The following SYN3 variants were observed in gnomAD, a reference collection of about 807,000 sequenced individuals.
The protein encoded by SYN3 is synapsin-3.
A neutral mutation model predicts 65.8 loss-of-function variants in SYN3; 35 were observed. That is an observed-to-expected ratio of 0.53 (90% CI 0.41 to 0.70). SYN3 has a LOEUF of 0.70. Among genes scored for constraint, SYN3 ranks in the 30% least tolerant of loss-of-function variants. The pLI is 0.00. For missense variants in SYN3, 680 were observed against 749.0 expected (o/e 0.91, Z 1.08); for synonymous variants, 270 against 292.9 (o/e 0.92, Z 0.80).
intron 2 of SYN3, among the ~76,000 whole-genome samples, chr22:32,987,875 C>T (rs1475016026): frequency 1.3e-5 from 2 of 152,084 alleles, no homozygotes; most frequent in Non-Finnish European, 2.9e-5. Context: ...AGCTTACATG[C>T]TTATTGAAAA....
At chr22:32,537,169 T>C (rs1440797000) in intron 9 of SYN3, among the ~76,000 whole-genome samples, 2 of 150,066 alleles carry the variant, frequency 1.3e-5, no homozygotes, top group East Asian at 3.9e-4. Flanking sequence ...TTCCCCCCCT[T>C]TTTTTTTTAA....
intron 6 of SYN3, among the ~76,000 whole-genome samples, chr22:32,798,773 G>A (rs780845322): frequency 2.9e-5 from 4 of 136,198 alleles, no homozygotes; most frequent in African/African-American, 5.6e-5. Context: ...CTCACTGCAA[G>A]CTCCGCCTCC....
At chr22:32,568,962 A>G (rs2058708657) in intron 7 of SYN3, among the ~76,000 whole-genome samples, 1 of 152,176 alleles carries the variant, frequency 6.6e-6, no homozygotes, top group South Asian at 2.1e-4. Flanking sequence ...AGGCTGCACT[A>G]TGACACACAT....
chr22:33,025,478 A>T (rs1213372799), intron 1 of SYN3, among the ~76,000 whole-genome samples: 1 of 150,756 alleles, frequency 6.6e-6, no homozygotes, highest in Admixed American at 6.6e-5. Context: ...TACTAAAAAT[A>T]CAAAAATTAG....
intron 1 of SYN3, among the ~76,000 whole-genome samples, chr22:33,043,210 C>G (rs1424052489): frequency 6.6e-6 from 1 of 152,160 alleles, no homozygotes; most frequent in East Asian, 1.9e-4. Flanking sequence ...CCTTCTCATA[C>G]TCTAAAGATG....
intron 3 of SYN3, among the ~76,000 whole-genome samples, chr22:32,952,635 C>T (rs1011265842): frequency 2.0e-5 from 3 of 152,008 alleles, no homozygotes; most frequent in Admixed American, 6.6e-5. Flanking sequence ...GCATGCCTAT[C>T]GTCCTAGTTA....
At chr22:32,909,628 A>ACCCCCCCCCCCCCCCCCC (rs2049997641) in intron 4 of SYN3, among the ~76,000 whole-genome samples, 1 of 58,664 alleles carries the variant, frequency 1.7e-5, no homozygotes. Context: ...CCGCCCCCCC[A>ACCCCCCCCCCCCCCCCCC]CCCCTTACCT....
intron 7 of SYN3, among the ~76,000 whole-genome samples, chr22:32,587,352 G>A (rs550819219): frequency 5.3e-5 from 8 of 151,722 alleles, no homozygotes; most frequent in Admixed American, 4.6e-4. Context: ...AGGGCAGTGG[G>A]TGTTGGGGGG....
intron 6 of SYN3, among the ~76,000 whole-genome samples, chr22:32,700,561 C>T (rs936440819): frequency 6.6e-6 from 1 of 152,168 alleles, no homozygotes; most frequent in South Asian, 2.1e-4. Context: ...AAAAAGGAGT[C>T]CCCAACAGCT....
intron 6 of SYN3, among the ~76,000 whole-genome samples, chr22:32,644,592 G>C (rs943130857): frequency 2.6e-5 from 4 of 152,208 alleles, no homozygotes; most frequent in African/African-American, 9.6e-5. Flanking sequence ...CGCACATGCA[G>C]GCACATGCAC....
chr22:33,050,426 G>T (rs1211018806), intron 1 of SYN3, among the ~76,000 whole-genome samples: 1 of 148,572 alleles, frequency 6.7e-6, no homozygotes, highest in Non-Finnish European at 1.5e-5. Context: ...AGGTTGCAGT[G>T]AGCTGAGATC....
At chr22:32,794,727 G>C (rs950346492) in intron 6 of SYN3, among the ~76,000 whole-genome samples, 1 of 152,206 alleles carries the variant, frequency 6.6e-6, no homozygotes, top group African/African-American at 2.4e-5. Context: ...TGGGAGGTGA[G>C]TGAGAGAAGA....
rs374814967 is a variant in SYN3 at position 32,802,094 on chromosome 22, C to G, written c.711+62821G>C. On this transcript the variant is annotated intron_variant, in intron 6 of 13. Coordinates refer to ENST00000358763, the MANE Select transcript of SYN3 (RefSeq NM_003490.4). ...CGTGCACATGCTCGCCCAGCCACCC[C>G]CAGGACGCCTTCTGCAACTCCGACA... The G allele has an allele frequency of 6.3e-6, 10 of 1,580,824 alleles. No individual in the cohort carries two copies. Among genetic ancestry groups the G allele is most frequent in the Middle Eastern group, 1.7e-4 (1 of 6,036 alleles).
chr22:32,693,601 T>TG (rs1289847578), intron 6 of SYN3, among the ~76,000 whole-genome samples: 2 of 141,112 alleles, frequency 1.4e-5, no homozygotes, highest in African/African-American at 5.5e-5. Context: ...TGTTTTTTTT[T>TG]TTTTTTTTTT....
At chr22:32,964,123 T>A (rs2051747122) in intron 3 of SYN3, among the ~76,000 whole-genome samples, 1 of 152,180 alleles carries the variant, frequency 6.6e-6, no homozygotes, top group East Asian at 1.9e-4. Context: ...ACCTCAGGGC[T>A]GTTGCTTAGG....
intron 10 of SYN3, among the ~76,000 whole-genome samples, chr22:32,532,387 G>T (rs1383429045): frequency 6.6e-6 from 1 of 152,412 alleles, no homozygotes; most frequent in East Asian, 1.9e-4. Flanking sequence ...CAACTGTACA[G>T]GTCAAGGAGT....
At chr22:33,000,648 C>T (rs1437078784) in intron 2 of SYN3, among the ~76,000 whole-genome samples, 1 of 152,226 alleles carries the variant, frequency 6.6e-6, no homozygotes, top group Non-Finnish European at 1.5e-5. Context: ...GCAGCATCAT[C>T]GTCCCCGTTG....
intron 2 of SYN3, among the ~76,000 whole-genome samples, chr22:32,990,670 C>T (rs1466951919): frequency 6.6e-6 from 1 of 152,144 alleles, no homozygotes; most frequent in African/African-American, 2.4e-5. Context: ...ACTCTGACTC[C>T]TGTCTTCTTT....
At chr22:32,625,829 T>G (rs1430588341) in intron 6 of SYN3, among the ~76,000 whole-genome samples, 1 of 152,202 alleles carries the variant, frequency 6.6e-6, no homozygotes, top group East Asian at 1.9e-4. Flanking sequence ...CATGTGAGGA[T>G]TCAAGCAAGA....
Sources: allele counts gnomAD v4.1 joint callset (sites outside exome capture counted in the v4.1 genomes callset), GRCh38; gene constraint gnomAD v4.1.1; transcripts MANE v1.5; gene names NCBI Gene and HGNC (gene_info 2026-07-23, HGNC 2026-07-21).